The following C6orf89 variants were observed in gnomAD, a reference collection of about 807,000 sequenced individuals.
C6orf89 encodes the protein chromosome 6 open reading frame 89.
In C6orf89, 29 loss-of-function variants were observed where a neutral mutation model predicts 40.7. The observed-to-expected ratio is 0.71, with a 90% CI of 0.53 to 0.97. The LOEUF is 0.97. Ranked by LOEUF, C6orf89 falls within the 50% of genes least tolerant of loss-of-function variation. C6orf89 has a pLI of 0.00. For missense variants in C6orf89, 392 were observed against 429.1 expected (o/e 0.91, Z 0.76); for synonymous variants, 165 against 152.2 (o/e 1.08, Z -0.62).
At chr6:36,896,322 G>A (rs754438758) in intron 2 of C6orf89, among the ~76,000 whole-genome samples, 18 of 152,274 alleles carry the variant, frequency 1.2e-4, no homozygotes, top group African/African-American at 1.9e-4. Flanking sequence ...TGACCAGGCT[G>A]ATCTCGAACT....
chr6:36,923,174 TAAAAA>T (rs1561879427), intron 8 of C6orf89, among the ~76,000 whole-genome samples, 168 bp from the exon 9 acceptor site: 1 of 150,598 alleles, frequency 6.6e-6, no homozygotes, highest in Admixed American at 6.6e-5. Flanking sequence ...TCTTAAAAAA[TAAAAA>T]AGGAAAGAAA....
chr6:36,890,646 G>T lies in C6orf89; in HGVS notation c.-119-3858G>T, dbSNP rs368440993. On this transcript the variant is annotated intron_variant, in intron 1 of 8. Transcript: ENST00000480824. ...CCTCCCAGGTTCAAGTGATTCTCAT[G>T]CCTCAGCCTCCCGAGTAGCTGGGAT... 4.3e-4 allele frequency among the ~76,000 whole-genome samples: 65 copies of T among 152,264 alleles called. 1 individual carries two copies. Among genetic ancestry groups the T allele is most frequent in the African/African-American group, 1.5e-3 (63 of 41,550 alleles).
At chr6:36,876,553 T>C (rs1184131151) in intron 1 of C6orf89, among the ~76,000 whole-genome samples, 3 of 151,950 alleles carry the variant, frequency 2.0e-5, no homozygotes, top group African/African-American at 2.4e-5. Flanking sequence ...GGTGAAACCC[T>C]GTCTCTACTA....
chr6:36,915,229 A>G (rs1762273806), intron 6 of C6orf89, among the ~76,000 whole-genome samples: 1 of 152,218 alleles, frequency 6.6e-6, no homozygotes, highest in Non-Finnish European at 1.5e-5. Context: ...TAATAGAGTC[A>G]TAATTTATTT....
At position 36,899,635 on chromosome 6, in the gene C6orf89, T is replaced by TA; in HGVS notation, c.189+6dup. The TA allele has an allele frequency of 1.2e-6, 2 of 1,613,192 alleles. No homozygotes were observed. Among genetic ancestry groups the TA allele is most frequent in the Non-Finnish European group, 1.7e-6 (2 of 1,179,164 alleles). The stretch of plus-strand genomic sequence containing the variant: ...CCTCTCCTTATAGTTGTGTATAAGG[T>TA]AAAATGTTTCCTGAGTTGGTAATTG... On this transcript the variant is annotated splice_region_variant and intron_variant, in intron 3 of 8. Transcript: ENST00000480824.
chr6:36,925,782 A>G lies in C6orf89; in HGVS notation c.*2341A>G, dbSNP rs889901735. The G allele has an allele frequency of 3.3e-5, 5 of 152,358 alleles. No individual in the cohort carries two copies. The highest frequency in any genetic ancestry group is 1.2e-4 in the African/African-American group (5 of 41,590). 9.4% of individuals were successfully genotyped at this position (152,358 alleles called of 1,614,324 possible). On this transcript the variant is annotated 3_prime_UTR_variant, in exon 9 of 9. Coordinates refer to ENST00000480824, the MANE Select transcript of C6orf89 (RefSeq NM_001286635.2). ...GCCCTGCACAGCAGGATGCCACAGG[A>G]TGCCCCTGCCATCTAGCTGGAAGCA... is the stretch of plus-strand genomic sequence containing the variant.
At chr6:36,916,001 G>A (rs1051601413) in intron 6 of C6orf89, among the ~76,000 whole-genome samples, 46 of 152,026 alleles carry the variant, frequency 3.0e-4, no homozygotes, top group African/African-American at 1.0e-3. Context: ...GTTTGTTTGC[G>A]TGCTAGAGTG....
intron 4 of C6orf89, among the ~76,000 whole-genome samples, chr6:36,913,284 C>T (rs1330295205): frequency 6.6e-6 from 1 of 152,168 alleles, no homozygotes; most frequent in African/African-American, 2.4e-5. Flanking sequence ...CATTTCTGAC[C>T]AGCATGTGGG....
chr6:36,912,752 T>C (rs1021227231), intron 4 of C6orf89, among the ~76,000 whole-genome samples: 2 of 152,124 alleles, frequency 1.3e-5, no homozygotes, highest in African/African-American at 4.8e-5. Context: ...ACAGATACTA[T>C]CTTCAAGAGA....
chr6:36,923,138 C>T (rs1160190475), intron 8 of C6orf89, among the ~76,000 whole-genome samples: 1 of 151,788 alleles, frequency 6.6e-6, no homozygotes, highest in African/African-American at 2.4e-5. Flanking sequence ...CAAGACCAGC[C>T]TGGGCAATAT....
chr6:36,889,021 G>A (rs1360638070), intron 1 of C6orf89, among the ~76,000 whole-genome samples: 2 of 152,164 alleles, frequency 1.3e-5, no homozygotes, highest in Non-Finnish European at 2.9e-5. Context: ...TAGATAAATG[G>A]GTCTTGAACC....
intron 1 of C6orf89, among the ~76,000 whole-genome samples, chr6:36,889,582 C>CAAAAACAAA (rs71556976): frequency 2.8e-5 from 4 of 140,468 alleles, no homozygotes; most frequent in African/African-American, 7.8e-5. Flanking sequence ...AAAACAAAAA[C>CAAAAACAAA]AAAAAAAAAA....
chr6:36,922,875 C>T (rs186260750), intron 8 of C6orf89, among the ~76,000 whole-genome samples: 1 of 152,328 alleles, frequency 6.6e-6, no homozygotes, highest in African/African-American at 2.4e-5. Context: ...AAAGCTGAGA[C>T]TTGATGCCCA....
chr6:36,886,147 G>T, intron 1 of C6orf89, 119 bp downstream of exon 1: 4 of 931,008 alleles, frequency 4.3e-6, no homozygotes, highest in Non-Finnish European at 5.6e-6. Context: ...CTCTATCCCA[G>T]CGCGGATCCC....
At chr6:36,914,253 T>C (rs768904624) in intron 4 of C6orf89, 31 bp from the exon 5 acceptor site, 4 of 1,585,620 alleles carry the variant, frequency 2.5e-6, no homozygotes, top group East Asian at 4.5e-5. Context: ...TCTTTCAGTA[T>C]CTGTTTTCTC....
rs1341024212 is a variant in C6orf89, at chr6:36,916,537, G to T, written c.788G>T (p.Cys263Phe). Residue 263 changes from cysteine to phenylalanine, a missense_variant, in exon 7 of 9, where the codon TGC becomes TTC. Physicochemically the swap from Cys to Phe is radical, Grantham distance 205. Transcript: ENST00000480824. ...PFPKDASLNKCSFLHPEPVVG... is the reference protein window; with the variant it reads ...PFPKDASLNKFSFLHPEPVVG... ...CCAAAAGATGCCTCTTTAAACAAGT[G>T]CTCCTTTCTTCACCCAGAACCTGTT... 1 of 1,614,030 alleles carries T rather than the reference G, an allele frequency of 6.2e-7. No homozygotes were observed. The highest frequency in any genetic ancestry group is 8.5e-7 in the Non-Finnish European group (1 of 1,180,034).
At chr6:36,901,991 A>G (rs1761738751) in intron 3 of C6orf89, among the ~76,000 whole-genome samples, 1 of 152,220 alleles carries the variant, frequency 6.6e-6, no homozygotes, top group African/African-American at 2.4e-5. Context: ...TAAATGGTGA[A>G]TTTTAAAATA....
At chr6:36,873,227 T>A (rs974929282) in intron 1 of C6orf89, among the ~76,000 whole-genome samples, 14 of 152,174 alleles carry the variant, frequency 9.2e-5, no homozygotes, top group Non-Finnish European at 4.4e-5. Context: ...CTTCCAAGTA[T>A]CCTCTAGGAA....
At chr6:36,921,060 G>A (rs1038244418) in intron 8 of C6orf89, among the ~76,000 whole-genome samples, 2 of 152,246 alleles carry the variant, frequency 1.3e-5, no homozygotes, top group Admixed American at 6.5e-5. Context: ...CCTAACATCC[G>A]GTGCATGATA....
Sources: allele counts gnomAD v4.1 joint callset (sites outside exome capture counted in the v4.1 genomes callset), GRCh38; gene constraint gnomAD v4.1.1; transcripts MANE v1.5; gene names NCBI Gene and HGNC (gene_info 2026-07-23, HGNC 2026-07-21).